RBFOX3: variants seen among roughly 807,000 people sequenced by gnomAD.
RBFOX3 encodes the protein RNA binding protein fox-1 homolog 3.
RBFOX3 carries 17 observed loss-of-function variants against 48.7 expected under a neutral mutation model. The ratio of observed to expected loss-of-function variants is 0.35; its 90% CI spans 0.24 to 0.52. The LOEUF is 0.52. Ranked by LOEUF, RBFOX3 falls within the 20% of genes least tolerant of loss-of-function variation. The pLI is 0.94. For synonymous variants in RBFOX3, 212 were observed against 209.5 expected (o/e 1.01, Z -0.10); for missense variants, 382 against 497.5 (o/e 0.77, Z 2.21).
At chr17:79,327,427 CAAG>C (rs758812716) in intron 2 of RBFOX3, among the ~76,000 whole-genome samples, 65 of 152,284 alleles carry the variant, frequency 4.3e-4, no homozygotes, top group Non-Finnish European at 8.7e-4. Context: ...TGGTGTTCTC[CAAG>C]ATGATGGGTC....
At chr17:79,251,900 C>T (rs1187042583) in intron 3 of RBFOX3, among the ~76,000 whole-genome samples, 1 of 152,196 alleles carries the variant, frequency 6.6e-6, no homozygotes, top group Non-Finnish European at 1.5e-5. Flanking sequence ...CTTACAGCTC[C>T]CCAGTGGCCG....
At chr17:79,118,174 G>A (rs1189762218) in intron 4 of RBFOX3, among the ~76,000 whole-genome samples, 1 of 152,120 alleles carries the variant, frequency 6.6e-6, no homozygotes, top group Non-Finnish European at 1.5e-5. Flanking sequence ...CTCGCTGACT[G>A]GGAACCTAAG....
chr17:79,269,316 G>A (rs565374374), intron 3 of RBFOX3, among the ~76,000 whole-genome samples: 4 of 152,126 alleles, frequency 2.6e-5, no homozygotes, highest in Non-Finnish European at 5.9e-5. Context: ...TCCAGAACTG[G>A]GAGAGGAGGC....
chr17:79,538,791 C>G (rs782276238), intron 1 of RBFOX3, among the ~76,000 whole-genome samples: 6 of 152,162 alleles, frequency 3.9e-5, no homozygotes, highest in Non-Finnish European at 5.9e-5. Flanking sequence ...TCCCAGAGAT[C>G]AGGGGAGGGT....
In RBFOX3 at chr17:79,242,291, C is replaced by A. The variant is rs899533454; in HGVS notation, c.-73-6486G>T. 6.6e-6 allele frequency among the ~76,000 whole-genome samples: 1 copy of A among 152,022 alleles called. No individual in the cohort carries two copies. Among genetic ancestry groups the A allele is most frequent in the African/African-American group, 2.4e-5 (1 of 41,372 alleles). On this transcript the variant is annotated intron_variant, in intron 3 of 14. Coordinates refer to ENST00000693108, the MANE Select transcript of RBFOX3 (RefSeq NM_001350451.2). This position sits in a 1 kb window ranked among gnomAD's most constrained non-coding sequence, Gnocchi z 5.8. ...CAGCTTTGAGAAACTCCCAGTGCACCACTCTCTTGTGTTACTTCAGATTTT... is the reference window on the plus strand; with the variant it reads ...CAGCTTTGAGAAACTCCCAGTGCACAACTCTCTTGTGTTACTTCAGATTTT...
At chr17:79,158,983 A>G (rs2046390393) in intron 4 of RBFOX3, among the ~76,000 whole-genome samples, 1 of 152,148 alleles carries the variant, frequency 6.6e-6, no homozygotes, top group Non-Finnish European at 1.5e-5. Context: ...CCTGCTGTAT[A>G]CTAAGCGCTT....
At chr17:79,196,528 A>G in intron 4 of RBFOX3, among the ~76,000 whole-genome samples, 1 of 152,186 alleles carries the variant, frequency 6.6e-6, no homozygotes. Context: ...GATGTTCAAT[A>G]AATCATGGTA....
intron 2 of RBFOX3, among the ~76,000 whole-genome samples, chr17:79,433,878 T>A (rs2068919638): frequency 6.6e-6 from 1 of 152,236 alleles, no homozygotes; most frequent in South Asian, 2.1e-4. Context: ...CATCGGTCAA[T>A]CAGTACCTAA....
intron 3 of RBFOX3, among the ~76,000 whole-genome samples, chr17:79,276,689 A>T (rs1311444312): frequency 6.6e-6 from 1 of 152,214 alleles, no homozygotes; most frequent in Admixed American, 6.5e-5. Flanking sequence ...TGCCTTAAAA[A>T]AACAAAACCA....
chr17:79,132,462 G>A (rs1230435159), intron 4 of RBFOX3, among the ~76,000 whole-genome samples: 1 of 152,238 alleles, frequency 6.6e-6, no homozygotes, highest in Non-Finnish European at 1.5e-5. Flanking sequence ...CGCAGGTGCA[G>A]GCGCCACGGG....
chr17:79,250,265 T>C (rs941629488), intron 3 of RBFOX3, among the ~76,000 whole-genome samples: 6 of 152,176 alleles, frequency 3.9e-5, no homozygotes, highest in Non-Finnish European at 7.4e-5. Context: ...CTAACCCACA[T>C]TGACAAGCAG....
intron 2 of RBFOX3, among the ~76,000 whole-genome samples, chr17:79,463,634 G>A (rs1261072869): frequency 7.2e-6 from 1 of 138,916 alleles, no homozygotes; most frequent in Non-Finnish European, 1.5e-5. Flanking sequence ...CACCGCCACT[G>A]CCACCGCCAC....
intron 2 of RBFOX3, among the ~76,000 whole-genome samples, chr17:79,372,260 G>T (rs9914068): frequency 2.7e-5 from 4 of 147,372 alleles, no homozygotes; most frequent in African/African-American, 1.0e-4. Flanking sequence ...TACTATCCCC[G>T]GCAATCCTAT....
chr17:79,435,123 G>C (rs782221238), intron 2 of RBFOX3, among the ~76,000 whole-genome samples: 1 of 152,166 alleles, frequency 6.6e-6, no homozygotes, highest in Non-Finnish European at 1.5e-5. Flanking sequence ...GCTCTGCTGG[G>C]TGCGTCCTGG....
At chr17:79,135,486 T>C (rs555649284) in intron 4 of RBFOX3, among the ~76,000 whole-genome samples, 2 of 152,256 alleles carry the variant, frequency 1.3e-5, no homozygotes, top group South Asian at 4.1e-4. Context: ...CTGAGCCCCT[T>C]ACAGGATGCC....
At chr17:79,343,466 G>A (rs1568077623) in intron 2 of RBFOX3, among the ~76,000 whole-genome samples, 1 of 152,084 alleles carries the variant, frequency 6.6e-6, no homozygotes, top group Non-Finnish European at 1.5e-5. Context: ...GCAGTGAGCC[G>A]AGATTGCACC....
At chr17:79,620,508 CGCATACGT>C in the RBFOX3 span, among the ~76,000 whole-genome samples, 1 of 150,538 alleles carries the variant, frequency 6.6e-6, no homozygotes, top group Non-Finnish European at 1.5e-5. Flanking sequence ...CACACACATG[CGCATACGT>C]GCACATGCAT....
the RBFOX3 span, among the ~76,000 whole-genome samples, chr17:79,650,776 GC>G: frequency 2.0e-5 from 3 of 152,076 alleles, no homozygotes; most frequent in Non-Finnish European, 4.4e-5. Context: ...TCCACCCATG[GC>G]CCCCGAGGGA....
At chr17:79,137,107 C>T (rs529732113) in intron 4 of RBFOX3, among the ~76,000 whole-genome samples, 1 of 152,298 alleles carries the variant, frequency 6.6e-6, no homozygotes, top group South Asian at 2.1e-4. Context: ...GTTCTGAACC[C>T]CAGCGGGGTA....
Sources: allele counts gnomAD v4.1 joint callset (sites outside exome capture counted in the v4.1 genomes callset), GRCh38; gene constraint gnomAD v4.1.1; non-coding constraint Gnocchi (gnomAD v3.1); transcripts MANE v1.5; gene names NCBI Gene and HGNC (gene_info 2026-07-23, HGNC 2026-07-21).